The following KCNIP4 variants were observed in gnomAD, a reference collection of about 807,000 sequenced individuals.
The protein encoded by KCNIP4 is Kv channel-interacting protein 4.
Under a neutral mutation model 34.0 loss-of-function variants are expected in KCNIP4, and 12 were observed. The ratio of observed to expected loss-of-function variants is 0.35; its 90% CI spans 0.23 to 0.57. The LOEUF is 0.57. Among genes scored for constraint, KCNIP4 ranks in the 20% least tolerant of loss-of-function variants. The probability of loss-of-function intolerance (pLI) is 0.83; values close to 1 mark genes in which losing one functional copy is unlikely to be tolerated. For synonymous variants in KCNIP4, 124 were observed against 102.2 expected, an observed-to-expected ratio of 1.21 and a Z score of -1.29; for missense variants, 238 against 311.7, an observed-to-expected ratio of 0.76 and a Z score of 1.78.
At chr4:21,905,443 T>C (rs1727943603) in intron 1 of KCNIP4, among the ~76,000 whole-genome samples, 1 of 152,124 alleles carries the variant, frequency 6.6e-6, no homozygotes, top group Non-Finnish European at 1.5e-5. Context: ...TTAGGGTACA[T>C]GTGCACAACA....
chr4:21,461,645 T>C (rs1156512025), intron 1 of KCNIP4, among the ~76,000 whole-genome samples: 5 of 152,000 alleles, frequency 3.3e-5, no homozygotes, highest in Non-Finnish European at 7.4e-5. Flanking sequence ...TTTCCTAACA[T>C]TCCCAGCTGC....
chr4:21,934,957 A>G (rs972484839), intron 1 of KCNIP4, among the ~76,000 whole-genome samples: 2 of 152,108 alleles, frequency 1.3e-5, no homozygotes, highest in African/African-American at 4.8e-5. Flanking sequence ...TTTTGACCCT[A>G]TGTGCATGCA....
intron 1 of KCNIP4, among the ~76,000 whole-genome samples, chr4:21,480,488 T>C (rs574567824): frequency 2.0e-5 from 3 of 152,250 alleles, no homozygotes; most frequent in African/African-American, 7.2e-5. Flanking sequence ...TAATGATGAT[T>C]CATGAGAAGC....
chr4:21,540,868 T>C (rs1012388939), intron 1 of KCNIP4, among the ~76,000 whole-genome samples: 7 of 152,068 alleles, frequency 4.6e-5, no homozygotes, highest in African/African-American at 1.7e-4. Context: ...GCATCACTCA[T>C]GACCATAAAT....
At chr4:21,926,772 T>C (rs778447695) in intron 1 of KCNIP4, among the ~76,000 whole-genome samples, 2 of 152,198 alleles carry the variant, frequency 1.3e-5, no homozygotes, top group Non-Finnish European at 2.9e-5. Flanking sequence ...CATAAAAACA[T>C]TTATCCTTAA....
At chr4:20,950,838 AG>A (rs1405890560) in intron 1 of KCNIP4, among the ~76,000 whole-genome samples, 1 of 152,152 alleles carries the variant, frequency 6.6e-6, no homozygotes, top group Non-Finnish European at 1.5e-5. Flanking sequence ...CATTAAATGC[AG>A]GGTGCACTCT....
chr4:21,424,369 G>A (rs924817625), intron 1 of KCNIP4, among the ~76,000 whole-genome samples: 4 of 151,062 alleles, frequency 2.6e-5, no homozygotes, highest in African/African-American at 7.3e-5. Flanking sequence ...TCAGGAGTTC[G>A]AGACCAGCCT....
intron 1 of KCNIP4, among the ~76,000 whole-genome samples, chr4:21,536,517 G>C (rs1737180231): frequency 6.6e-6 from 1 of 152,144 alleles, no homozygotes; most frequent in Non-Finnish European, 1.5e-5. Flanking sequence ...GGTGGCTCAA[G>C]CCTGTAATCT....
At chr4:21,859,508 G>T (rs1034067910) in intron 1 of KCNIP4, among the ~76,000 whole-genome samples, 1 of 151,808 alleles carries the variant, frequency 6.6e-6, no homozygotes, top group Admixed American at 6.6e-5. Context: ...GGTGCCTGTA[G>T]TCCCAGCTAT....
chr4:20,998,922 G>C (rs750909724), intron 1 of KCNIP4, among the ~76,000 whole-genome samples: 3 of 152,212 alleles, frequency 2.0e-5, no homozygotes, highest in Admixed American at 2.0e-4. Context: ...ATTGATGCAG[G>C]AGTTGGGAAT....
chr4:21,566,208 A>G (rs1385392223), intron 1 of KCNIP4, among the ~76,000 whole-genome samples: 2 of 152,164 alleles, frequency 1.3e-5, no homozygotes, highest in African/African-American at 4.8e-5. Flanking sequence ...GTGAAGAATG[A>G]GTTGGTCTGG....
chr4:21,522,179 T>A (rs1735586369), intron 1 of KCNIP4, among the ~76,000 whole-genome samples: 1 of 152,098 alleles, frequency 6.6e-6, no homozygotes. Context: ...CTACACATAA[T>A]CATCCCCCAT....
chr4:21,013,275 A>G (rs1739222952), intron 1 of KCNIP4, among the ~76,000 whole-genome samples: 1 of 152,112 alleles, frequency 6.6e-6, no homozygotes, highest in Non-Finnish European at 1.5e-5. Context: ...AAAAATGAAG[A>G]TTGCAGGAAT....
intron 1 of KCNIP4, among the ~76,000 whole-genome samples, chr4:21,675,590 A>AT (rs961757858): frequency 6.6e-6 from 1 of 152,150 alleles, no homozygotes; most frequent in East Asian, 1.9e-4. Flanking sequence ...GTACTCACCA[A>AT]TTTTTTTATT....
intron 1 of KCNIP4, among the ~76,000 whole-genome samples, chr4:21,061,422 C>CA (rs1379245779): frequency 6.6e-6 from 1 of 151,890 alleles, no homozygotes; most frequent in African/African-American, 2.4e-5. Context: ...AATAATGATA[C>CA]AAAAAACACT....
chr4:21,137,501 C>T (rs1162684613), intron 1 of KCNIP4, among the ~76,000 whole-genome samples: 2 of 152,030 alleles, frequency 1.3e-5, no homozygotes, highest in Non-Finnish European at 2.9e-5. Flanking sequence ...AAAAAAGAGG[C>T]TTTGTTTGAT....
chr4:21,022,414 T>C (rs892031518), intron 1 of KCNIP4, among the ~76,000 whole-genome samples: 1 of 152,244 alleles, frequency 6.6e-6, no homozygotes, highest in African/African-American at 2.4e-5. Context: ...CATTTGATGC[T>C]ATTAAAAAGA....
chr4:21,394,377 C>T (rs1722803893), intron 1 of KCNIP4, among the ~76,000 whole-genome samples: 1 of 152,126 alleles, frequency 6.6e-6, no homozygotes, highest in Non-Finnish European at 1.5e-5. Context: ...TAGACACAAC[C>T]TCAGAGTAGT....
chr4:21,453,603 C>T (rs1728690286), intron 1 of KCNIP4, among the ~76,000 whole-genome samples: 1 of 152,030 alleles, frequency 6.6e-6, no homozygotes, highest in African/African-American at 2.4e-5. Flanking sequence ...ACTCAAGCCT[C>T]ATCACAGAGC....
Sources: gnomAD v4.1 joint callset for allele counts (sites outside exome capture counted in the v4.1 genomes callset) on GRCh38, gnomAD v4.1.1 for gene constraint, MANE v1.5 for transcripts, NCBI Gene and HGNC (gene_info 2026-07-23, HGNC 2026-07-21) for gene names.